LMO7: variants seen among roughly 807,000 people sequenced by gnomAD.
The protein encoded by LMO7 is LIM domain 7.
A neutral mutation model predicts 206.5 loss-of-function variants in LMO7; 120 were observed. The observed-to-expected ratio is 0.58, with a 90% CI of 0.50 to 0.68. LMO7 has a LOEUF of 0.68. LMO7 is among the 30% of genes least tolerant of loss of function. LMO7 has a pLI of 0.00. For synonymous variants in LMO7, 706 were observed against 681.5 expected, an observed-to-expected ratio of 1.04 and a Z score of -0.56; for missense variants, 1,959 against 1,957.9, an observed-to-expected ratio of 1.00 and a Z score of -0.01.
chr13:75,839,090 TC>T (rs1289260249), intron 20 of LMO7, among the ~76,000 whole-genome samples: 2 of 152,226 alleles, frequency 1.3e-5, no homozygotes, highest in African/African-American at 4.8e-5. Context: ...GATTAAGGTC[TC>T]TTTTGGACCA....
At position 75,841,106 on chromosome 13, in the gene LMO7, T is replaced by C; in HGVS notation, c.3583-3T>C. On this transcript the variant is annotated splice_region_variant and splice_polypyrimidine_tract_variant and intron_variant, in intron 22 of 30. Transcript: ENST00000377534. ...GATTAATATATGTCATATTTTCTTA[T>C]AGGAAAAATATCAACGTGAGCAGGA... 6.3e-7 allele frequency: 1 copy of C among 1,588,772 alleles called. No individual in the cohort carries two copies. Among genetic ancestry groups the C allele is most frequent in the South Asian group, 1.1e-5 (1 of 90,074 alleles).
intron 3 of LMO7, among the ~76,000 whole-genome samples, chr13:75,732,444 C>G (rs979773415): frequency 2.6e-5 from 4 of 152,216 alleles, no homozygotes; most frequent in African/African-American, 9.7e-5. Flanking sequence ...GCGTTCGTCA[C>G]GTAGTTCTCG....
chr13:75,779,823 C>A (rs917173505), intron 4 of LMO7, among the ~76,000 whole-genome samples: 2 of 152,058 alleles, frequency 1.3e-5, no homozygotes, highest in East Asian at 3.9e-4. Flanking sequence ...ATTGGGGGAA[C>A]CAGCCCCCAA....
chr13:75,661,128 A>G (rs1015855522), intron 1 of LMO7, among the ~76,000 whole-genome samples: 2 of 152,168 alleles, frequency 1.3e-5, no homozygotes, highest in African/African-American at 2.4e-5. Flanking sequence ...CCTCTGTTGT[A>G]TATATTTATC....
Position 75,849,202 on chromosome 13 carries a change from G to A in LMO7, c.4274G>A (p.Arg1425Lys). ...CAAATCCTTCAGGAAATGAGGAAGA[G>A]AACACCCCTTCACAATGACAACAGC... Reference protein sequence around the residue: ...RQQILQEMRKRTPLHNDNSWI... With the variant: ...RQQILQEMRKKTPLHNDNSWI... The change falls in exon 27 of 31, where the codon AGA becomes AAA. Residue 1425 changes from arginine to lysine, a missense_variant. By Grantham distance (26) the Arg-to-Lys change is conservative (BLOSUM62 2). Transcript: ENST00000377534. 5 of 1,614,132 alleles carry A rather than the reference G, an allele frequency of 3.1e-6. No individual in the cohort carries two copies. The highest frequency in any genetic ancestry group is 1.3e-5 in the African/African-American group (1 of 75,060).
At chr13:75,731,230 G>A (rs1336900984) in intron 3 of LMO7, among the ~76,000 whole-genome samples, 3 of 152,168 alleles carry the variant, frequency 2.0e-5, no homozygotes, top group Non-Finnish European at 2.9e-5. Context: ...ACAGTGGGGT[G>A]TTAAAGTCTC....
chr13:75,854,760 A>G (rs959896748), intron 28 of LMO7, among the ~76,000 whole-genome samples: 4 of 152,200 alleles, frequency 2.6e-5, no homozygotes, highest in African/African-American at 4.8e-5. Context: ...TTTCTCTGTA[A>G]CTAGAAAACT....
At chr13:75,776,616 G>A (rs759750483) in intron 4 of LMO7, among the ~76,000 whole-genome samples, 2 of 152,142 alleles carry the variant, frequency 1.3e-5, no homozygotes, top group Non-Finnish European at 2.9e-5. Context: ...ACATAGGTTA[G>A]GAGGAGATAA....
rs545354594 is a variant in LMO7 at position 75,626,337 on chromosome 13, A to G, written c.225+3017A>G. 3.3e-5 allele frequency among the ~76,000 whole-genome samples: 5 copies of G among 151,894 alleles called. No individual in the cohort carries two copies. The East Asian group carries it at 5.8e-4, about 18-fold the overall frequency. ...GTGGGAGGTGAAAGGCACTCCTTAC[A>G]TGGTGGCAGCAAGAGAAAATGAGGA... is the stretch of plus-strand genomic sequence containing the variant. On this transcript the variant is annotated intron_variant, in intron 2 of 29. Coordinates refer to the LMO7 transcript ENST00000341547.
rs566299416 is a variant in LMO7, at chr13:75,644,820, C to G, written c.69+8094C>G. On this transcript the variant is annotated intron_variant, in intron 1 of 30. Transcript: ENST00000377534. The stretch of plus-strand genomic sequence containing the variant: ...TAATTTAAAAATTTTGTTGTAGGGA[C>G]AAGGTCTCGCTTTGTTTCCTAAGCT... Among the ~76,000 whole-genome samples, 87 of 152,240 alleles carry G rather than the reference C, an allele frequency of 5.7e-4. 4 individuals carry two copies. The South Asian group carries it at 0.017, about 30-fold the overall frequency.
chr13:75,636,566 C>G lies in LMO7; in HGVS notation c.-92C>G. ...GGAAGCCGGAGTTGTGGGAGGCCCG[C>G]GTGCCCTCCCCGCCCGTGGGGCCCA... On this transcript the variant is annotated 5_prime_UTR_variant, in exon 1 of 31. Coordinates refer to ENST00000377534, the MANE Select transcript of LMO7 (RefSeq NM_001306080.2). 6.5e-7 allele frequency: 1 copy of G among 1,533,504 alleles called. No individual in the cohort carries two copies. Among genetic ancestry groups the G allele is most frequent in the Non-Finnish European group, 8.7e-7 (1 of 1,145,210 alleles). 95.0% of individuals were successfully genotyped at this position (1,533,504 alleles called of 1,614,324 possible).
intron 13 of LMO7, among the ~76,000 whole-genome samples, chr13:75,820,963 A>C (rs534201138): frequency 6.6e-6 from 1 of 150,752 alleles, no homozygotes; most frequent in African/African-American, 2.4e-5. Context: ...GTGCCACTGC[A>C]CTCCAGCCTG....
Position 75,823,713 on chromosome 13 carries a change from A to C in LMO7, c.2789A>C (p.Asp930Ala). The change falls in exon 15 of 31, where the codon GAT becomes GCT. Residue 930 changes from aspartate (D) to alanine (A), a missense_variant. Transcript: ENST00000377534. Reference protein sequence around the residue: ...SQKEVAATEEDVTRLPSPTSP... With the variant: ...SQKEVAATEEAVTRLPSPTSP... ...AAAGAGGTAGCAGCAACAGAAGAAG[A>C]TGTGACAAGGCTGCCCTCTCCTACA... 6 of 1,614,154 alleles carry C rather than the reference A, an allele frequency of 3.7e-6. No homozygotes were observed. Among genetic ancestry groups the C allele is most frequent in the Non-Finnish European group, 5.1e-6 (6 of 1,180,022 alleles).
At chr13:75,831,303 G>T (rs1009846534) in intron 15 of LMO7, among the ~76,000 whole-genome samples, 1 of 151,988 alleles carries the variant, frequency 6.6e-6, no homozygotes, top group Non-Finnish European at 1.5e-5. Flanking sequence ...ATTTACCTTT[G>T]TTTCCCAAAG....
intron 19 of LMO7, among the ~76,000 whole-genome samples, chr13:75,837,075 G>A (rs929716995): frequency 2.1e-4 from 32 of 152,168 alleles, no homozygotes; most frequent in African/African-American, 7.5e-4. Context: ...ACCCAAAGAA[G>A]ACGAGACCTC....
intron 14 of LMO7, among the ~76,000 whole-genome samples, 187 bp downstream of exon 14, chr13:75,821,796 T>A (rs1693859101): frequency 6.6e-6 from 1 of 152,212 alleles, no homozygotes; most frequent in Non-Finnish European, 1.5e-5. Flanking sequence ...ATACAGAATT[T>A]ATTAAACTTT....
At chr13:75,810,583 T>C (rs2056239137) in intron 11 of LMO7, among the ~76,000 whole-genome samples, 1 of 152,266 alleles carries the variant, frequency 6.6e-6, no homozygotes, top group Admixed American at 6.5e-5. Context: ...TCTCAAGTCA[T>C]AGGAAAGCTG....
chr13:75,633,023 A>G (rs1382251905), upstream of LMO7, among the ~76,000 whole-genome samples: 1 of 151,486 alleles, frequency 6.6e-6, no homozygotes, highest in African/African-American at 2.4e-5. Flanking sequence ...CACCACACCT[A>G]GCTAACTTTT....
Position 75,636,589 on chromosome 13 carries a change from C to T in LMO7, c.-69C>T. On this transcript the variant is annotated 5_prime_UTR_variant, in exon 1 of 31. Coordinates refer to ENST00000377534, the MANE Select transcript of LMO7 (RefSeq NM_001306080.2). ...CGCGTGCCCTCCCCGCCCGTGGGGCCCAGACGCGCGGGGACAACCCCTCCC... is the reference window on the plus strand; with the variant it reads ...CGCGTGCCCTCCCCGCCCGTGGGGCTCAGACGCGCGGGGACAACCCCTCCC... 1 of 1,541,726 alleles carries T rather than the reference C, an allele frequency of 6.5e-7. No individual in the cohort carries two copies. Among genetic ancestry groups the T allele is most frequent in the East Asian group, 2.4e-5 (1 of 40,886 alleles).
Sources: allele counts gnomAD v4.1 joint callset (sites outside exome capture counted in the v4.1 genomes callset), GRCh38; gene constraint gnomAD v4.1.1; transcripts MANE v1.5; gene names NCBI Gene and HGNC (gene_info 2026-07-23, HGNC 2026-07-21).